PIEZO1: variants seen among roughly 807,000 people sequenced by gnomAD.
The protein encoded by PIEZO1 is piezo type mechanosensitive ion channel component 1 (Er blood group).
In PIEZO1, 296 loss-of-function variants were observed where a neutral mutation model predicts 297.2. That is an observed-to-expected ratio of 1.00 (90% CI 0.91 to 1.10). The LOEUF (loss-of-function observed/expected upper bound fraction) is 1.10. Ranked by LOEUF, PIEZO1 falls within the 50% of genes least tolerant of loss-of-function variation. PIEZO1 has a pLI of 0.00. For synonymous variants in PIEZO1, 2,427 were observed against 1,507.5 expected (o/e 1.61, Z -14.13); for missense variants, 5,018 against 3,455.5 (o/e 1.45, Z -11.34).
At position 88,722,645 on chromosome 16, in the gene PIEZO1, G is replaced by C. The variant is rs564248341; in HGVS notation, c.4713C>G (p.Ser1571Arg). Residue 1571 changes from serine to arginine, a missense_variant, in exon 35 of 51, where the codon AGC (serine) becomes AGG (arginine). Transcript: ENST00000301015. ...HRGVLDQLYT[S>R]QAEATLPGPT... is the part of the protein sequence containing the mutation. ...GGCCTGGCAGCGTGGCCTCGGCCTGGCTTGTGTACAGCTGATCCAGCACGC... is the reference window on the plus strand; with the variant it reads ...GGCCTGGCAGCGTGGCCTCGGCCTGCCTTGTGTACAGCTGATCCAGCACGC... 236 of 1,538,628 alleles carry C rather than the reference G, an allele frequency of 1.5e-4. No homozygotes were observed. The highest frequency in any genetic ancestry group is 1.0e-3 in the Middle Eastern group (6 of 5,970).
At chr16:88,759,916 C>G (rs1281513923) in intron 1 of PIEZO1, among the ~76,000 whole-genome samples, 2 of 152,174 alleles carry the variant, frequency 1.3e-5, no homozygotes, top group East Asian at 3.9e-4. Flanking sequence ...GGGGGCTCCC[C>G]CAATGGAGGC....
In PIEZO1 at chr16:88,771,181, C is replaced by T. The variant is rs569268739; in HGVS notation, c.64+13720G>A. ...CGTGCGAAAGGCCCCACAGAGCGAC[C>T]GCTACTGGCACCGGGCCCAGCCTTG... On this transcript the variant is annotated intron_variant, in intron 1 of 50. Transcript: ENST00000301015. 2.6e-5 allele frequency among the ~76,000 whole-genome samples: 4 copies of T among 152,334 alleles called. No individual in the cohort carries two copies. The East Asian group carries it at 7.7e-4, about 29-fold the overall frequency.
chr16:88,782,085 A>G (rs976273001), intron 1 of PIEZO1, among the ~76,000 whole-genome samples: 13 of 152,160 alleles, frequency 8.5e-5, no homozygotes, highest in Non-Finnish European at 1.8e-4. Flanking sequence ...GCGGTCCCAT[A>G]TTATCAGAAT....
chr16:88,744,796 G>A (rs1205493802), intron 2 of PIEZO1, among the ~76,000 whole-genome samples: 1 of 152,002 alleles, frequency 6.6e-6, no homozygotes, highest in African/African-American at 2.4e-5. Flanking sequence ...TGGCCACGTG[G>A]CACGCCCGCT....
At chr16:88,723,816 C>G (rs989198416) in intron 31 of PIEZO1, 55 bp downstream of exon 31, 2 of 964,730 alleles carry the variant, frequency 2.1e-6, no homozygotes, top group African/African-American at 1.6e-5. Flanking sequence ...CTGCCCTGGT[C>G]CAGGACCACA....
At chr16:88,750,570 G>T (rs1418202620) in intron 1 of PIEZO1, among the ~76,000 whole-genome samples, 3 of 152,222 alleles carry the variant, frequency 2.0e-5, no homozygotes, top group East Asian at 1.9e-4. Flanking sequence ...GCCTGCATCA[G>T]TCCCAACCAC....
intron 1 of PIEZO1, among the ~76,000 whole-genome samples, chr16:88,760,262 G>C (rs921610525): frequency 6.6e-6 from 1 of 152,194 alleles, no homozygotes; most frequent in Non-Finnish European, 1.5e-5. Flanking sequence ...GATCCTGCAC[G>C]GTTCTCTGTC....
intron 12 of PIEZO1, among the ~76,000 whole-genome samples, chr16:88,735,556 C>G (rs1905155579): frequency 6.6e-6 from 1 of 152,288 alleles, no homozygotes; most frequent in Non-Finnish European, 1.5e-5. Flanking sequence ...TGTCCACATG[C>G]TGGAGTGCAT....
At chr16:88,775,968 A>C (rs922458229) in intron 1 of PIEZO1, among the ~76,000 whole-genome samples, 2 of 152,156 alleles carry the variant, frequency 1.3e-5, no homozygotes, top group African/African-American at 4.8e-5. Context: ...AAGCCACGGG[A>C]GGCGCCAACC....
chr16:88,750,634 A>G (rs1281675431), intron 1 of PIEZO1, among the ~76,000 whole-genome samples: 1 of 152,168 alleles, frequency 6.6e-6, no homozygotes, highest in African/African-American at 2.4e-5. Flanking sequence ...TAAGGTCTGG[A>G]GTCAGGGAGG....
intron 1 of PIEZO1, among the ~76,000 whole-genome samples, chr16:88,752,894 ATCCATTC>A (rs1906462132): frequency 6.6e-6 from 1 of 150,956 alleles, no homozygotes; most frequent in Non-Finnish European, 1.5e-5. Context: ...TCATCCATTC[ATCCATTC>A]ATTCATTCAT....
intron 34 of PIEZO1, 61 bp downstream of exon 34, chr16:88,722,776 T>G: frequency 1.1e-5 from 17 of 1,530,940 alleles, no homozygotes; most frequent in Non-Finnish European, 1.5e-5. Context: ...ACTAGGCTGT[T>G]AAGCAGGCAG....
At chr16:88,724,548 G>A (rs943502394) in intron 30 of PIEZO1, among the ~76,000 whole-genome samples, 8 of 139,834 alleles carry the variant, frequency 5.7e-5, no homozygotes, top group African/African-American at 1.3e-4. Context: ...AAAAAAAAAA[G>A]GCCTGGAGTG....
At chr16:88,721,078 G>A (rs1383215770) in intron 39 of PIEZO1, 88 bp downstream of exon 39, 2 of 1,309,688 alleles carry the variant, frequency 1.5e-6, no homozygotes, top group African/African-American at 3.0e-5. Context: ...CACTGGGCTT[G>A]GCCGTCTCAT....
chr16:88,785,164 T>C lies in PIEZO1; in HGVS notation c.-200A>G, dbSNP rs879375075. ...CTCGCTCAGGCGACCGCCCTGCCCC[T>C]CGGCGGAGCGCAGCGCTCGGCTCAC... On this transcript the variant is annotated 5_prime_UTR_variant, in exon 1 of 51. Transcript: ENST00000301015. 613 of 287,194 alleles carry C rather than the reference T, an allele frequency of 2.1e-3. No homozygotes were observed. The highest frequency in any genetic ancestry group is 3.3e-3 in the Non-Finnish European group (521 of 159,648). 17.8% of individuals were successfully genotyped at this position (287,194 alleles called of 1,614,324 possible).
At position 88,715,542 on chromosome 16, in the gene PIEZO1, G is replaced by A. The variant is rs977653163; in HGVS notation, c.*63C>T. The A allele has an allele frequency of 1.5e-5, 22 of 1,479,788 alleles. No homozygotes were observed. Among genetic ancestry groups the A allele is most frequent in the South Asian group, 4.9e-5 (4 of 80,946 alleles). The allele number at this position is 1,479,788 out of a possible 1,614,324, so 91.7% of individuals were successfully genotyped here. A position where few individuals can be genotyped will look rare whatever the true frequency, so the allele number is the denominator to read the frequency against. ...TGGCTCCCCCGGCCTGAGGAGTGCCGCCCCTTGTGGCCACGCTGCCCAGCA... is the reference window on the plus strand; with the variant it reads ...TGGCTCCCCCGGCCTGAGGAGTGCCACCCCTTGTGGCCACGCTGCCCAGCA... On this transcript the variant is annotated 3_prime_UTR_variant, in exon 51 of 51. Coordinates refer to ENST00000301015, the MANE Select transcript of PIEZO1 (RefSeq NM_001142864.4).
At chr16:88,778,241 G>C (rs1032732116) in intron 1 of PIEZO1, among the ~76,000 whole-genome samples, 2 of 152,180 alleles carry the variant, frequency 1.3e-5, no homozygotes, top group Non-Finnish European at 2.9e-5. Flanking sequence ...CCGAGAGCCG[G>C]CCTTGTTCTT....
intron 22 of PIEZO1, among the ~76,000 whole-genome samples, chr16:88,730,363 G>GGAGGCA (rs892458521): frequency 3.0e-3 from 6 of 2,010 alleles, no homozygotes; most frequent in African/African-American, 6.0e-3. Context: ...CTGTAATTTG[G>GGAGGCA]GAGGCGGGTG....
chr16:88,758,573 A>G (rs754067462), intron 1 of PIEZO1, among the ~76,000 whole-genome samples: 2 of 152,148 alleles, frequency 1.3e-5, no homozygotes, highest in Non-Finnish European at 2.9e-5. Flanking sequence ...GCACCCACGG[A>G]CTCACAAGAC....
Sources: gnomAD v4.1 joint callset for allele counts (sites outside exome capture counted in the v4.1 genomes callset) on GRCh38, gnomAD v4.1.1 for gene constraint, MANE v1.5 for transcripts, NCBI Gene and HGNC (gene_info 2026-07-23, HGNC 2026-07-21) for gene names.